The following BFSP2 variants were observed in gnomAD, a reference collection of about 807,000 sequenced individuals.
BFSP2 encodes the protein phakinin.
Under a neutral mutation model 44.9 loss-of-function variants are expected in BFSP2, and 38 were observed. The observed-to-expected ratio is 0.85, with a 90% CI of 0.65 to 1.11. BFSP2 has a LOEUF of 1.11. BFSP2 is among the 50% of genes least tolerant of loss of function. The pLI is 0.00. For missense variants in BFSP2, 525 were observed against 533.0 expected (o/e 0.99, Z 0.15); for synonymous variants, 197 against 209.9 (o/e 0.94, Z 0.53).
chr3:133,404,495 T>C (rs1576555035), intron 1 of BFSP2, among the ~76,000 whole-genome samples: 2 of 152,126 alleles, frequency 1.3e-5, no homozygotes, highest in African/African-American at 2.4e-5. Flanking sequence ...CAGCAGGACA[T>C]GGTACATCGG....
rs373359574 is a variant in BFSP2 at position 133,466,836 on chromosome 3, G to A, written c.900G>A (p.Ala300=). The part of the protein sequence containing the change: ...AGALLQAKQQ[A]EVAHMSQTQE... ...GACCTGACTCTCCACAGCAACAGGCGGAGGTGGCCCACATGTCCCAGACCC... is the reference window on the plus strand; with the variant it reads ...GACCTGACTCTCCACAGCAACAGGCAGAGGTGGCCCACATGTCCCAGACCC... Residue 300 remains alanine (A), a synonymous_variant, in exon 5 of 7, where the codon GCG becomes GCA. Coordinates refer to ENST00000302334, the MANE Select transcript of BFSP2 (RefSeq NM_003571.4). 5.6e-5 allele frequency: 90 copies of A among 1,613,606 alleles called. No individual in the cohort carries two copies. The Middle Eastern group carries it at 6.8e-4, about 12-fold the overall frequency.
intron 1 of BFSP2, among the ~76,000 whole-genome samples, chr3:133,421,051 T>C (rs1302467742): frequency 6.6e-6 from 1 of 152,364 alleles, no homozygotes; most frequent in East Asian, 1.9e-4. Flanking sequence ...GTGGGGATGC[T>C]GGCTGGAGAT....
chr3:133,410,778 C>G (rs1036950012), intron 1 of BFSP2: 1 of 210,268 alleles, frequency 4.8e-6, no homozygotes, highest in Non-Finnish European at 1.1e-5. Flanking sequence ...CACAAATGAG[C>G]TGCAGCCCAG....
chr3:133,403,784 G>A (rs968422547), intron 1 of BFSP2, among the ~76,000 whole-genome samples: 3 of 152,056 alleles, frequency 2.0e-5, no homozygotes, highest in African/African-American at 7.2e-5. Context: ...GGGAGTGGGG[G>A]TCCCCTGTCC....
At chr3:133,420,927 A>C (rs957948545) in intron 1 of BFSP2, among the ~76,000 whole-genome samples, 1 of 152,162 alleles carries the variant, frequency 6.6e-6, no homozygotes, top group Non-Finnish European at 1.5e-5. Flanking sequence ...AGAACATAGC[A>C]AGTCCAGCTG....
At chr3:133,460,736 C>T (rs931099) in intron 4 of BFSP2, among the ~76,000 whole-genome samples, 51,889 of 152,076 alleles carry the variant, frequency 0.34, 10,027 homozygotes, top group East Asian at 0.58. Flanking sequence ...TGTATTCCCA[C>T]GGGACCATTG....
At chr3:133,458,674 C>T (rs1024607527) in intron 4 of BFSP2, among the ~76,000 whole-genome samples, 3 of 152,066 alleles carry the variant, frequency 2.0e-5, no homozygotes, top group Non-Finnish European at 4.4e-5. Flanking sequence ...CCAGCCTGGG[C>T]GACAGAGTGA....
chr3:133,465,001 C>CTT (rs71136470), intron 4 of BFSP2, among the ~76,000 whole-genome samples: 8 of 132,112 alleles, frequency 6.1e-5, no homozygotes, highest in East Asian at 4.4e-4. Context: ...CTTGGGGTTT[C>CTT]TTTTTTTTTT....
At chr3:133,431,109 A>G (rs1408669217) in intron 1 of BFSP2, among the ~76,000 whole-genome samples, 3 of 152,138 alleles carry the variant, frequency 2.0e-5, no homozygotes, top group Non-Finnish European at 4.4e-5. Context: ...GAGACGCTTT[A>G]CAGCCCTAGA....
intron 1 of BFSP2, among the ~76,000 whole-genome samples, chr3:133,413,154 G>A (rs1391265799): frequency 6.6e-6 from 1 of 152,156 alleles, no homozygotes; most frequent in Non-Finnish European, 1.5e-5. Context: ...GACACTGTTT[G>A]GAGGTTTTAC....
At chr3:133,402,253 C>T (rs1397708232) in intron 1 of BFSP2, among the ~76,000 whole-genome samples, 1 of 152,236 alleles carries the variant, frequency 6.6e-6, no homozygotes, top group Non-Finnish European at 1.5e-5. Flanking sequence ...TTAGTTTATA[C>T]TCAATAGATA....
At chr3:133,413,630 G>A (rs776972920) in intron 1 of BFSP2, among the ~76,000 whole-genome samples, 1 of 152,014 alleles carries the variant, frequency 6.6e-6, no homozygotes, top group Admixed American at 6.5e-5. Flanking sequence ...TCTGGCTGGG[G>A]AAAAGCACAT....
intron 1 of BFSP2, among the ~76,000 whole-genome samples, chr3:133,439,456 C>A (rs2107914453): frequency 1.3e-5 from 2 of 152,288 alleles, no homozygotes; most frequent in East Asian, 3.9e-4. Context: ...TCACACAAAT[C>A]AGTGATGGAG....
chr3:133,466,167 C>G (rs966351881), intron 4 of BFSP2, among the ~76,000 whole-genome samples: 16 of 150,962 alleles, frequency 1.1e-4, no homozygotes, highest in Admixed American at 6.6e-4. Context: ...TACCAAAGCA[C>G]GGGGGGGGCA....
chr3:133,430,818 G>A (rs1219730532), intron 1 of BFSP2, among the ~76,000 whole-genome samples: 1 of 151,798 alleles, frequency 6.6e-6, no homozygotes, highest in Non-Finnish European at 1.5e-5. Flanking sequence ...TCCTCACCAG[G>A]CCGAGCTAGG....
chr3:133,406,624 TC>T (rs1342797244), intron 1 of BFSP2, among the ~76,000 whole-genome samples: 1 of 152,208 alleles, frequency 6.6e-6, no homozygotes, highest in African/African-American at 2.4e-5. Flanking sequence ...CAGTTTCTCA[TC>T]TGAATAATGA....
rs1365107945 is a variant in BFSP2, at chr3:133,447,373, G to C, written c.546G>C (p.Gln182His). The stretch of plus-strand genomic sequence containing the variant: ...TCATGCTGCAGACAGAAACTATCCA[G>C]GCCGGAGCAGATGACTTTAAAGAGA... ...ARLMLQTETI[Q>H]AGADDFKERY... Residue 182 changes from glutamine (Q) to histidine (H), a missense_variant, in exon 2 of 7, where the codon CAG (glutamine) becomes CAC (histidine). Coordinates refer to ENST00000302334, the MANE Select transcript of BFSP2 (RefSeq NM_003571.4). 1 of 1,614,012 alleles carries C rather than the reference G, an allele frequency of 6.2e-7. No individual in the cohort carries two copies. The highest frequency in any genetic ancestry group is 2.2e-5 in the East Asian group (1 of 44,870).
chr3:133,429,861 C>T (rs1483822836), intron 1 of BFSP2, among the ~76,000 whole-genome samples: 14 of 150,064 alleles, frequency 9.3e-5, no homozygotes, highest in East Asian at 5.8e-4. Context: ...CCCATTAACT[C>T]GTCATTTAGC....
In BFSP2 at chr3:133,433,209, T is replaced by C. The variant is rs1235045924; in HGVS notation, c.490-14108T>C. On this transcript the variant is annotated intron_variant, in intron 1 of 6. Coordinates refer to ENST00000302334, the MANE Select transcript of BFSP2 (RefSeq NM_003571.4). ...ATCTCTCTGATCCACCTGACATTCA[T>C]CCCATTTCCCCATATTTGCTTCTTT... 4.2e-4 allele frequency among the ~76,000 whole-genome samples: 64 copies of C among 152,258 alleles called. 1 individual carries two copies. The highest frequency in any genetic ancestry group is 1.5e-3 in the African/African-American group (62 of 41,516).
Sources: allele counts gnomAD v4.1 joint callset (sites outside exome capture counted in the v4.1 genomes callset), GRCh38; gene constraint gnomAD v4.1.1; transcripts MANE v1.5; gene names NCBI Gene and HGNC (gene_info 2026-07-23, HGNC 2026-07-21).